The following LRP8 variants were observed in gnomAD, a reference collection of about 807,000 sequenced individuals.
LRP8 encodes low-density lipoprotein receptor-related protein 8.
In LRP8, 46 loss-of-function variants were observed where a neutral mutation model predicts 111.6. That is an observed-to-expected ratio of 0.41 (90% CI 0.33 to 0.53). LRP8 has a LOEUF of 0.53. LRP8 is among the 20% of genes least tolerant of loss of function. The pLI is 0.20. For synonymous variants in LRP8, 464 were observed against 511.2 expected (o/e 0.91, Z 1.24); for missense variants, 959 against 1,297.4 (o/e 0.74, Z 4.01).
chr1:53,323,045 A>G (rs1345694024), intron 2 of LRP8, among the ~76,000 whole-genome samples: 1 of 152,198 alleles, frequency 6.6e-6, no homozygotes, highest in Non-Finnish European at 1.5e-5. Flanking sequence ...CTGTCTACCC[A>G]GCCTTTCCGC....
chr1:53,255,196 C>T lies in LRP8; in HGVS notation c.2435-11G>A, dbSNP rs151318640. On this transcript the variant is annotated splice_polypyrimidine_tract_variant and intron_variant, in intron 15 of 18. Coordinates refer to ENST00000306052, the MANE Select transcript of LRP8 (RefSeq NM_004631.5). Reference sequence around the variant, plus strand: ...TGTCTTCATTTGCATCTGCAAAACACAAACATTTGCAGAATGATGCTCTAT... The same window carrying T: ...TGTCTTCATTTGCATCTGCAAAACATAAACATTTGCAGAATGATGCTCTAT... 6.2e-7 allele frequency: 1 copy of T among 1,611,904 alleles called. No individual in the cohort carries two copies. Among genetic ancestry groups the T allele is most frequent in the African/African-American group, 1.3e-5 (1 of 75,048 alleles).
intron 6 of LRP8, 139 bp from the exon 7 acceptor site, chr1:53,271,485 A>G: frequency 3.4e-6 from 3 of 882,318 alleles, no homozygotes; most frequent in Non-Finnish European, 3.5e-6. Flanking sequence ...AACCTCACTG[A>G]GCCTCAGCCT....
chr1:53,309,046 G>A (rs1335745169), intron 2 of LRP8, among the ~76,000 whole-genome samples: 9 of 152,150 alleles, frequency 5.9e-5, no homozygotes, highest in African/African-American at 1.9e-4. Flanking sequence ...AGGCTGAGAC[G>A]GGCAGATCAC....
Position 53,266,773 on chromosome 1 carries a change from T to G in LRP8, c.1253-126A>C, listed in dbSNP as rs1572482634. ...TCCTTAAAATAGTAGTGACAATTCC[T>G]ACTTTACAGGTTGCAGGAGCAGATG... On this transcript the variant is annotated intron_variant, in intron 8 of 18. Transcript: ENST00000306052. This position sits in a 1 kb window ranked among gnomAD's most constrained non-coding sequence, Gnocchi z 5.0. The G allele has an allele frequency of 1.0e-5, 8 of 790,964 alleles. No individual in the cohort carries two copies. The East Asian group carries it at 2.0e-4, about 20-fold the overall frequency. The allele number at this position is 790,964 out of a possible 1,614,324, so 49.0% of individuals were successfully genotyped here. A position where few individuals can be genotyped will look rare whatever the true frequency, so the allele number is the denominator to read the frequency against.
chr1:53,277,388 A>G (rs564930422), intron 4 of LRP8, among the ~76,000 whole-genome samples: 2 of 152,288 alleles, frequency 1.3e-5, no homozygotes, highest in Admixed American at 6.5e-5. Context: ...GGACCCTGCT[A>G]TGGTCCCAGG....
At chr1:53,302,260 C>A (rs1333252297) in intron 2 of LRP8, among the ~76,000 whole-genome samples, 1 of 152,254 alleles carries the variant, frequency 6.6e-6, no homozygotes, top group Admixed American at 6.5e-5. Context: ...CTTCTCAGTG[C>A]GTTTGGAAGG....
At chr1:53,286,787 C>T (rs1258243566) in intron 3 of LRP8, among the ~76,000 whole-genome samples, 1 of 152,268 alleles carries the variant, frequency 6.6e-6, no homozygotes, top group African/African-American at 2.4e-5. Flanking sequence ...ACTATTTTAA[C>T]ACTGTAAGAA....
intron 3 of LRP8, among the ~76,000 whole-genome samples, chr1:53,289,027 G>C (rs1442930374): frequency 1.3e-5 from 2 of 152,170 alleles, no homozygotes; most frequent in African/African-American, 4.8e-5. Context: ...AGCCCACCCA[G>C]GGTAGAGGAA....
chr1:53,289,039 G>A (rs1455035676), intron 3 of LRP8, among the ~76,000 whole-genome samples: 2 of 152,282 alleles, frequency 1.3e-5, no homozygotes, highest in Admixed American at 6.5e-5. Flanking sequence ...GTAGAGGAAC[G>A]GGCCAGAGCC....
At chr1:53,296,572 G>A (rs187443831) in intron 2 of LRP8, among the ~76,000 whole-genome samples, 2 of 152,358 alleles carry the variant, frequency 1.3e-5, no homozygotes, top group East Asian at 3.9e-4. Flanking sequence ...GCAGAATGCA[G>A]ATCCGGGGTG....
At chr1:53,309,954 G>A (rs866345832) in intron 2 of LRP8, among the ~76,000 whole-genome samples, 16 of 151,930 alleles carry the variant, frequency 1.1e-4, no homozygotes, top group African/African-American at 3.1e-4. Flanking sequence ...CTACCCCGAC[G>A]CTTCACCAGA....
At chr1:53,278,342 C>T (rs1243081542) in intron 4 of LRP8, among the ~76,000 whole-genome samples, 1 of 152,258 alleles carries the variant, frequency 6.6e-6, no homozygotes, top group Admixed American at 6.5e-5. Flanking sequence ...TGGGGGTAGG[C>T]CCCGGTGGGG....
At chr1:53,304,330 G>C (rs1651547477) in intron 2 of LRP8, among the ~76,000 whole-genome samples, 1 of 152,184 alleles carries the variant, frequency 6.6e-6, no homozygotes, top group African/African-American at 2.4e-5. Context: ...TGCCAAAGTG[G>C]GGGAGGAAAG....
At position 53,242,674 on chromosome 1, in the gene LRP8, A is replaced by C. The variant is rs1489202401; in HGVS notation, c.*4344T>G. The C allele has an allele frequency of 6.6e-6, 1 of 152,180 alleles. No homozygotes were observed. The highest frequency in any genetic ancestry group is 1.5e-5 in the Non-Finnish European group (1 of 68,030). The allele number at this position is 152,180 out of a possible 1,614,324, so 9.4% of individuals were successfully genotyped here. ...AGGGGGAGACAAACAAGGAGAATCC[A>C]CTTGGGAACAATTTGATGAAGTTTG... On this transcript the variant is annotated 3_prime_UTR_variant, in exon 19 of 19. Coordinates refer to ENST00000306052, the MANE Select transcript of LRP8 (RefSeq NM_004631.5).
At chr1:53,269,842 G>C (rs7349164) in intron 8 of LRP8, among the ~76,000 whole-genome samples, 47,190 of 152,034 alleles carry the variant, frequency 0.31, 8,865 homozygotes, top group East Asian at 0.43. Context: ...ACAGGGATTT[G>C]CATCTGTTTT....
At chr1:53,276,581 G>A in intron 5 of LRP8, 111 bp downstream of exon 5, 3 of 832,470 alleles carry the variant, frequency 3.6e-6, no homozygotes, top group Non-Finnish European at 5.0e-6. Context: ...TAGTAAACCC[G>A]GGTAATGTAT....
chr1:53,299,077 C>T (rs1217751202), intron 2 of LRP8, among the ~76,000 whole-genome samples: 3 of 152,216 alleles, frequency 2.0e-5, no homozygotes, highest in Non-Finnish European at 2.9e-5. Context: ...TTCAAGAACC[C>T]ACGAGGCGCA....
Position 53,279,940 on chromosome 1 carries a change from C to T in LRP8, c.496+647G>A, listed in dbSNP as rs1461859966. On this transcript the variant is annotated intron_variant, in intron 4 of 18. Coordinates refer to ENST00000306052, the MANE Select transcript of LRP8 (RefSeq NM_004631.5). The surrounding 1 kb of genome is among the most constrained non-coding windows in gnomAD (Gnocchi z 4.4). The stretch of plus-strand genomic sequence containing the variant: ...GCCATGCTCCCCAATGGCCCAGGCC[C>T]TGCTGGCCTGCTCCCTGGGAAGGAG... 1.3e-5 allele frequency among the ~76,000 whole-genome samples: 2 copies of T among 152,270 alleles called. No homozygotes were observed. The highest frequency in any genetic ancestry group is 2.4e-5 in the African/African-American group (1 of 41,474).
chr1:53,250,971 G>T lies in LRP8; in HGVS notation c.2504-109C>A. ...ACTTTTACTACCCTTTGCTCCTCAG[G>T]CTCTGTTTCTGCATGTTCTTTTACT... is the stretch of plus-strand genomic sequence containing the variant. On this transcript the variant is annotated intron_variant, in intron 16 of 18. Transcript: ENST00000306052. The surrounding 1 kb of genome is among the most constrained non-coding windows in gnomAD (Gnocchi z 4.6). 1 of 876,606 alleles carries T rather than the reference G, an allele frequency of 1.1e-6. No individual in the cohort carries two copies. The highest frequency in any genetic ancestry group is 1.8e-6 in the Non-Finnish European group (1 of 548,170). The allele number at this position is 876,606 out of a possible 1,614,324, so 54.3% of individuals were successfully genotyped here.
Sources: allele counts gnomAD v4.1 joint callset (sites outside exome capture counted in the v4.1 genomes callset), GRCh38; gene constraint gnomAD v4.1.1; non-coding constraint Gnocchi (gnomAD v3.1); transcripts MANE v1.5; gene names NCBI Gene and HGNC (gene_info 2026-07-23, HGNC 2026-07-21).